The following ASPH variants were observed in gnomAD, a reference collection of about 807,000 sequenced individuals.
The protein encoded by ASPH is aspartate beta-hydroxylase.
In ASPH, 100 loss-of-function variants were observed where a neutral mutation model predicts 118.4. That is an observed-to-expected ratio of 0.84 (90% CI 0.72 to 1.00). ASPH has a LOEUF of 1.00. ASPH is among the 50% of genes least tolerant of loss of function. The pLI is 0.00. For synonymous variants in ASPH, 315 were observed against 325.6 expected (o/e 0.97, Z 0.35); for missense variants, 920 against 919.5 (o/e 1.00, Z -0.01).
chr8:61,564,605 G>A (rs1050339485), intron 17 of ASPH, among the ~76,000 whole-genome samples: 3 of 152,154 alleles, frequency 2.0e-5, no homozygotes, highest in Admixed American at 6.6e-5. Flanking sequence ...GGGCAGTAAT[G>A]CTGATTCTGC....
chr8:61,646,823 CTCT>C lies in ASPH; in HGVS notation c.543_545del (p.Glu182del). 3 of 1,613,842 alleles carry C rather than the reference CTCT, an allele frequency of 1.9e-6. No individual in the cohort carries two copies. The East Asian group carries it at 6.7e-5, about 36-fold the overall frequency. On this transcript the variant is annotated inframe_deletion, in exon 6 of 25. Transcript: ENST00000379454. The stretch of plus-strand genomic sequence containing the variant: ...CAGTCGCCATAAGAAACTCATCATC[CTCT>C]TGTTGTGGTTCTCCTGTGGGTCCAT...
At chr8:61,672,774 G>C (rs1001683803) in intron 3 of ASPH, among the ~76,000 whole-genome samples, 1 of 152,150 alleles carries the variant, frequency 6.6e-6, no homozygotes, top group Non-Finnish European at 1.5e-5. Flanking sequence ...TCTGAATACT[G>C]GTTCCATCAT....
At chr8:61,543,198 A>AT (rs1335494999) in intron 21 of ASPH, among the ~76,000 whole-genome samples, 1 of 151,848 alleles carries the variant, frequency 6.6e-6, no homozygotes, top group Admixed American at 6.6e-5. Context: ...TCTGGCCATT[A>AT]TTTTTTCAAA....
intron 21 of ASPH, among the ~76,000 whole-genome samples, chr8:61,544,984 A>G (rs182797907): frequency 1.5e-4 from 23 of 152,304 alleles, no homozygotes; most frequent in African/African-American, 4.3e-4. Flanking sequence ...GTAAAGAAAG[A>G]GTCCTCCAGG....
At position 61,569,357 on chromosome 8, in the gene ASPH, C is replaced by T. The variant is rs890993620; in HGVS notation, c.1150-2039G>A. Among the ~76,000 whole-genome samples, 8 of 152,050 alleles carry T rather than the reference C, an allele frequency of 5.3e-5. No individual in the cohort carries two copies. The East Asian group carries it at 1.5e-3, about 29-fold the overall frequency. Reference sequence around the variant, plus strand: ...GATTCTGGCTAGATGCTAAAAGTAGCATATATTTTTTTTTCTCAGAATATT... The same window carrying T: ...GATTCTGGCTAGATGCTAAAAGTAGTATATATTTTTTTTTCTCAGAATATT... On this transcript the variant is annotated intron_variant, in intron 16 of 24. Coordinates refer to ENST00000379454, the MANE Select transcript of ASPH (RefSeq NM_004318.4).
intron 3 of ASPH, among the ~76,000 whole-genome samples, chr8:61,672,872 C>T (rs116811811): frequency 0.012 from 1,860 of 152,252 alleles, 42 homozygotes; most frequent in African/African-American, 0.043. Context: ...AGCCAAATCA[C>T]AGAAAATTTC....
intron 16 of ASPH, among the ~76,000 whole-genome samples, chr8:61,568,970 A>C (rs1832661012): frequency 6.6e-6 from 1 of 152,172 alleles, no homozygotes; most frequent in South Asian, 2.1e-4. Context: ...AAGGAGATGC[A>C]AGAGACTCAG....
chr8:61,550,082 G>A (rs1353783620), intron 20 of ASPH, among the ~76,000 whole-genome samples: 1 of 152,088 alleles, frequency 6.6e-6, no homozygotes, highest in Non-Finnish European at 1.5e-5. Flanking sequence ...ACAAAATTGT[G>A]AAAGTGATAT....
intron 21 of ASPH, 99 bp from the exon 22 acceptor site, chr8:61,526,211 T>A (rs1374975258): frequency 1.2e-5 from 17 of 1,465,678 alleles, no homozygotes; most frequent in Non-Finnish European, 1.6e-5. Flanking sequence ...AGAAAGGAAC[T>A]AATTCTTTGC....
At chr8:61,699,962 C>G (rs1428273172) in intron 1 of ASPH, among the ~76,000 whole-genome samples, 2 of 152,192 alleles carry the variant, frequency 1.3e-5, no homozygotes, top group Non-Finnish European at 2.9e-5. Context: ...AGCTCAAGCT[C>G]CAGGCAAAAT....
chr8:61,701,560 T>C (rs1835250505), intron 1 of ASPH, among the ~76,000 whole-genome samples: 1 of 152,230 alleles, frequency 6.6e-6, no homozygotes, highest in African/African-American at 2.4e-5. Flanking sequence ...AAATATGTGA[T>C]TGAAACATTG....
rs376727983 is a variant in ASPH, at chr8:61,558,991, T to C, written c.1438-2969A>G. On this transcript the variant is annotated intron_variant, in intron 18 of 24. Transcript: ENST00000379454. ...TAATCATCCACTTCCTCTTAATGAA[T>C]AGCAAATATATTTTCTCTTCCTTAT... Among the ~76,000 whole-genome samples the C allele has an allele frequency of 1.9e-3, 297 of 152,308 alleles. 3 individuals are homozygous for C. The Middle Eastern group carries it at 0.027, about 14-fold the overall frequency.
chr8:61,591,171 C>A (rs1841013289), intron 14 of ASPH, among the ~76,000 whole-genome samples: 1 of 152,126 alleles, frequency 6.6e-6, no homozygotes, highest in Non-Finnish European at 1.5e-5. Context: ...AACAATTTTT[C>A]ATGTTTCTAA....
chr8:61,578,681 G>A, intron 15 of ASPH: 1 of 1,605,150 alleles, frequency 6.2e-7, no homozygotes, highest in Non-Finnish European at 8.5e-7. Flanking sequence ...TGGAGACTCT[G>A]GGCCAGGAGA....
chr8:61,618,038 C>T (rs1000568797), intron 14 of ASPH, among the ~76,000 whole-genome samples: 1 of 151,634 alleles, frequency 6.6e-6, no homozygotes, highest in Non-Finnish European at 1.5e-5. Context: ...TGCTGCTATT[C>T]ATTATAAACC....
At chr8:61,647,069 T>C (rs1457644522) in intron 5 of ASPH, among the ~76,000 whole-genome samples, 191 bp from the exon 6 acceptor site, 4 of 152,174 alleles carry the variant, frequency 2.6e-5, no homozygotes, top group Non-Finnish European at 5.9e-5. Flanking sequence ...TAAGTATATG[T>C]GGTGGGGGAC....
At chr8:61,673,226 C>G (rs1334797108) in intron 3 of ASPH, among the ~76,000 whole-genome samples, 2 of 152,148 alleles carry the variant, frequency 1.3e-5, no homozygotes, top group Non-Finnish European at 2.9e-5. Context: ...GAGGCGTCTG[C>G]AGGATCCCCA....
chr8:61,570,687 A>G (rs1833229238), intron 16 of ASPH, among the ~76,000 whole-genome samples: 1 of 152,216 alleles, frequency 6.6e-6, no homozygotes, highest in East Asian at 1.9e-4. Flanking sequence ...AAAAGTCTGC[A>G]GATTGATTTT....
At chr8:61,577,776 G>A (rs1835858162) in intron 15 of ASPH, among the ~76,000 whole-genome samples, 1 of 152,074 alleles carries the variant, frequency 6.6e-6, no homozygotes, top group African/African-American at 2.4e-5. Context: ...GAACGGCATG[G>A]GGGAAACTGC....
Sources: gnomAD v4.1 joint callset for allele counts (sites outside exome capture counted in the v4.1 genomes callset) on GRCh38, gnomAD v4.1.1 for gene constraint, MANE v1.5 for transcripts, NCBI Gene and HGNC (gene_info 2026-07-23, HGNC 2026-07-21) for gene names.